LRRC4C: variants seen among roughly 807,000 people sequenced by gnomAD.
LRRC4C encodes leucine-rich repeat-containing protein 4C.
A neutral mutation model predicts 33.6 loss-of-function variants in LRRC4C; 5 were observed. That is an observed-to-expected ratio of 0.15 (90% confidence interval 0.08 to 0.31). LRRC4C has a LOEUF of 0.31. LRRC4C is among the 10% of genes least tolerant of loss of function. The probability of loss-of-function intolerance (pLI) is 1.00; values close to 1 mark genes in which losing one functional copy is unlikely to be tolerated. For synonymous variants in LRRC4C, 329 were observed against 302.0 expected, an observed-to-expected ratio of 1.09 and a Z score of -0.93; for missense variants, 560 against 796.7, an observed-to-expected ratio of 0.70 and a Z score of 3.58.
At chr11:40,201,416 C>T (rs1217004704) in intron 5 of LRRC4C, among the ~76,000 whole-genome samples, 1 of 152,058 alleles carries the variant, frequency 6.6e-6, no homozygotes, top group East Asian at 1.9e-4. Flanking sequence ...ATCATTGTTA[C>T]TAGGTACAGC....
At chr11:40,611,351 T>C (rs1276660360) in intron 3 of LRRC4C, among the ~76,000 whole-genome samples, 4 of 151,900 alleles carry the variant, frequency 2.6e-5, no homozygotes, top group African/African-American at 9.7e-5. Flanking sequence ...ACTTACACCA[T>C]ACATAAAAAT....
intron 1 of LRRC4C, among the ~76,000 whole-genome samples, chr11:41,187,422 T>A (rs1945744018): frequency 6.6e-6 from 1 of 152,124 alleles, no homozygotes; most frequent in Non-Finnish European, 1.5e-5. Context: ...CACAGACCAG[T>A]AGAAAGACGT....
chr11:41,262,915 C>T (rs937053649), intron 1 of LRRC4C, among the ~76,000 whole-genome samples: 19 of 152,060 alleles, frequency 1.2e-4, no homozygotes, highest in East Asian at 1.9e-4. Flanking sequence ...AATATTTTAT[C>T]GATGTCTTTC....
intron 2 of LRRC4C, among the ~76,000 whole-genome samples, chr11:40,776,253 T>C (rs1340279390): frequency 1.4e-5 from 2 of 148,022 alleles, no homozygotes; most frequent in African/African-American, 5.0e-5. Flanking sequence ...CTTGTGTCTT[T>C]GCCTCCTCCT....
At chr11:41,288,868 A>G (rs1383352547) in intron 1 of LRRC4C, among the ~76,000 whole-genome samples, 1 of 152,182 alleles carries the variant, frequency 6.6e-6, no homozygotes, top group East Asian at 1.9e-4. Flanking sequence ...CCAGCAGGAG[A>G]GTGTCTTGCT....
intron 1 of LRRC4C, among the ~76,000 whole-genome samples, chr11:41,079,845 ATTC>A (rs1469219206): frequency 1.3e-5 from 2 of 152,130 alleles, no homozygotes; most frequent in East Asian, 1.9e-4. Context: ...GCCCAAGGCA[ATTC>A]TTCTTCTTCC....
At chr11:40,153,829 T>C (rs1487017312) in intron 5 of LRRC4C, among the ~76,000 whole-genome samples, 1 of 152,152 alleles carries the variant, frequency 6.6e-6, no homozygotes, top group Non-Finnish European at 1.5e-5. Context: ...TAATCAGTGT[T>C]CCTGAGGAAG....
chr11:40,136,640 G>C (rs969723462), intron 6 of LRRC4C, among the ~76,000 whole-genome samples: 1 of 152,052 alleles, frequency 6.6e-6, no homozygotes, highest in African/African-American at 2.4e-5. Flanking sequence ...ACCTGTGAAG[G>C]CATGGAAGAA....
chr11:40,511,406 C>A (rs1955308960), intron 3 of LRRC4C, among the ~76,000 whole-genome samples: 1 of 152,116 alleles, frequency 6.6e-6, no homozygotes, highest in Non-Finnish European at 1.5e-5. Context: ...CCATGAGATG[C>A]AAAAGATAAT....
At chr11:41,054,662 T>C (rs1290774941) in intron 1 of LRRC4C, among the ~76,000 whole-genome samples, 1 of 152,220 alleles carries the variant, frequency 6.6e-6, no homozygotes, top group Non-Finnish European at 1.5e-5. Context: ...AAGCAACTTA[T>C]CTTTTGGGTT....
At chr11:40,964,903 G>C (rs1184661428) in intron 1 of LRRC4C, among the ~76,000 whole-genome samples, 2 of 151,974 alleles carry the variant, frequency 1.3e-5, no homozygotes, top group African/African-American at 4.8e-5. Flanking sequence ...GGATGGCTGG[G>C]TCAAATGGTA....
intron 3 of LRRC4C, among the ~76,000 whole-genome samples, chr11:40,600,232 C>T (rs1959843991): frequency 6.6e-6 from 1 of 152,144 alleles, no homozygotes; most frequent in African/African-American, 2.4e-5. Flanking sequence ...TTACTGTGTT[C>T]CAGATACTAT....
intron 1 of LRRC4C, among the ~76,000 whole-genome samples, chr11:41,265,143 A>G (rs900054991): frequency 1.3e-5 from 2 of 152,204 alleles, no homozygotes; most frequent in Non-Finnish European, 2.9e-5. Flanking sequence ...ACCTTAAAGT[A>G]GGAATGAACA....
intron 2 of LRRC4C, among the ~76,000 whole-genome samples, chr11:40,776,944 C>T (rs1015012840): frequency 2.0e-4 from 31 of 152,076 alleles, no homozygotes; most frequent in Non-Finnish European, 7.4e-5. Context: ...TCACTTATTT[C>T]AAAGAATTTT....
intron 1 of LRRC4C, among the ~76,000 whole-genome samples, chr11:41,317,452 G>C (rs988727220): frequency 2.0e-5 from 3 of 152,070 alleles, no homozygotes; most frequent in African/African-American, 7.2e-5. Context: ...ACTACAAGGA[G>C]TATAGAAATG....
chr11:41,268,080 G>A (rs1949207884), intron 1 of LRRC4C, among the ~76,000 whole-genome samples: 1 of 152,020 alleles, frequency 6.6e-6, no homozygotes, highest in Admixed American at 6.6e-5. Flanking sequence ...TATATATAAT[G>A]CTGTGTTCCA....
intron 3 of LRRC4C, among the ~76,000 whole-genome samples, chr11:40,429,645 C>G (rs183788492): frequency 6.6e-6 from 1 of 151,960 alleles, no homozygotes; most frequent in East Asian, 1.9e-4. Flanking sequence ...TTCAGAGCCT[C>G]AAAATGCTCT....
intron 4 of LRRC4C, among the ~76,000 whole-genome samples, chr11:40,302,111 T>TA (rs1944802377): frequency 6.6e-6 from 1 of 152,132 alleles, no homozygotes. Flanking sequence ...AGAGATAAAA[T>TA]AAATATGCTT....
intron 3 of LRRC4C, among the ~76,000 whole-genome samples, chr11:40,606,171 A>G (rs778303885): frequency 1.1e-4 from 17 of 152,344 alleles, no homozygotes; most frequent in South Asian, 2.1e-4. Context: ...GCCTTGAAGC[A>G]CTAATGAAGC....
Sources: gnomAD v4.1 joint callset for allele counts (sites outside exome capture counted in the v4.1 genomes callset) on GRCh38, gnomAD v4.1.1 for gene constraint, MANE v1.5 for transcripts, NCBI Gene and HGNC (gene_info 2026-07-23, HGNC 2026-07-21) for gene names.